QRICH2: variants seen among roughly 807,000 people sequenced by gnomAD.
QRICH2 encodes glutamine rich 2.
QRICH2 carries 119 observed loss-of-function variants against 168.3 expected under a neutral mutation model. The observed-to-expected ratio is 0.71, with a 90% CI of 0.61 to 0.82. The LOEUF is 0.82. QRICH2 is among the 40% of genes least tolerant of loss of function. QRICH2 has a pLI of 0.00. For synonymous variants in QRICH2, 894 were observed against 951.2 expected (o/e 0.94, Z 1.11); for missense variants, 2,241 against 2,491.6 (o/e 0.90, Z 2.14).
rs1239338251 is a variant in QRICH2, at chr17:76,308,215, C to T, written c.-217G>A. The T allele has an allele frequency of 1.7e-5, 17 of 985,438 alleles. No homozygotes were observed. Among genetic ancestry groups the T allele is most frequent in the Non-Finnish European group, 2.0e-5 (17 of 829,900 alleles). The allele number at this position is 985,438 out of a possible 1,614,324, so 61.0% of individuals were successfully genotyped here. A position where few individuals can be genotyped will look rare whatever the true frequency, so the allele number is the denominator to read the frequency against. On this transcript the variant is annotated 5_prime_UTR_variant, in exon 1 of 19. Coordinates refer to ENST00000680821, the MANE Select transcript of QRICH2 (RefSeq NM_001388453.1). The stretch of plus-strand genomic sequence containing the variant: ...CGATGGCCACCCCTCCGCTGTCTGT[C>T]GCTGGCCTCGGGTCCCCGAGCTGGA...
chr17:76,275,695 T>TC (rs1490619420), intron 18 of QRICH2, 124 bp downstream of exon 18: 9 of 1,255,208 alleles, frequency 7.2e-6, no homozygotes, highest in Non-Finnish European at 7.5e-6. Flanking sequence ...TCCACACCCA[T>TC]CCCCCCCTTC....
chr17:76,285,718 A>G (rs2143222811), intron 7 of QRICH2, among the ~76,000 whole-genome samples: 1 of 151,998 alleles, frequency 6.6e-6, no homozygotes. Context: ...GCATGGTGGC[A>G]GGCACCTGTA....
intron 3 of QRICH2, chr17:76,301,460 G>A (rs1022246777): frequency 2.1e-5 from 5 of 239,476 alleles, no homozygotes; most frequent in South Asian, 3.7e-5. Context: ...CCCAACTACC[G>A]GGGAGGCTGA....
Position 76,292,897 on chromosome 17 carries a change from C to T in QRICH2, c.1830G>A (p.Leu610=), listed in dbSNP as rs745767588. ...LVRPGMDQSG[L]AQPGADQRGL... ...CACGCTGATCTGCACCAGGTTGGGC[C>T]AAACCAGACTGATCCATTCCAGGCC... Residue 610 remains leucine, a synonymous_variant, in exon 4 of 19, where the codon TTG becomes TTA. Transcript: ENST00000680821. The T allele has an allele frequency of 6.2e-7, 1 of 1,611,358 alleles. No individual in the cohort carries two copies. Among genetic ancestry groups the T allele is most frequent in the Non-Finnish European group, 8.5e-7 (1 of 1,179,522 alleles).
chr17:76,304,421 T>G lies in QRICH2; in HGVS notation c.699A>C (p.Ser233=). The change falls in exon 3 of 19, where the codon TCA becomes TCC. Residue 233 remains serine (S), a synonymous_variant. Transcript: ENST00000680821. ...EQAITDGWRA[S]QAGSETLMGF... ...CAGGCCCCCACTGGTTCACCGCTTG[T>G]GAGGCTCTCCAGCCGTCCGTAATCG... The G allele has an allele frequency of 6.2e-7, 1 of 1,611,516 alleles. No homozygotes were observed. Among genetic ancestry groups the G allele is most frequent in the Non-Finnish European group, 8.5e-7 (1 of 1,178,860 alleles).
chr17:76,277,349 AC>A, intron 15 of QRICH2, 39 bp from the exon 16 acceptor site: 1 of 1,597,982 alleles, frequency 6.3e-7, no homozygotes, highest in Non-Finnish European at 8.5e-7. Flanking sequence ...GGAGCAGACC[AC>A]CAGGGATGTC....
chr17:76,297,700 A>G (rs567719200), intron 3 of QRICH2, among the ~76,000 whole-genome samples: 25 of 152,040 alleles, frequency 1.6e-4, no homozygotes, highest in African/African-American at 6.0e-4. Context: ...ATATTAAAAC[A>G]GTTATTATGG....
intron 3 of QRICH2, chr17:76,301,459 CG>C: frequency 4.2e-6 from 1 of 236,202 alleles, no homozygotes. Context: ...TCCCAACTAC[CG>C]GGGAGGCTGA....
Position 76,281,528 on chromosome 17 carries a change from C to G in QRICH2, c.4263+336G>C, listed in dbSNP as rs540842991. ...GAAATTGAGAAGGGGTTGGAAGACTCGCGTGCCAGGGAGTCAACATCTCCT... is the reference window on the plus strand; with the variant it reads ...GAAATTGAGAAGGGGTTGGAAGACTGGCGTGCCAGGGAGTCAACATCTCCT... On this transcript the variant is annotated intron_variant, in intron 8 of 18. Coordinates refer to ENST00000680821, the MANE Select transcript of QRICH2 (RefSeq NM_001388453.1). The surrounding 1 kb of genome is among the most constrained non-coding windows in gnomAD (Gnocchi z 4.4). 6.6e-6 allele frequency among the ~76,000 whole-genome samples: 1 copy of G among 152,192 alleles called. No individual in the cohort carries two copies. Among genetic ancestry groups the G allele is most frequent in the Admixed American group, 6.5e-5 (1 of 15,280 alleles).
chr17:76,274,718 T>G (rs1303556607), intron 18 of QRICH2, among the ~76,000 whole-genome samples: 4 of 152,186 alleles, frequency 2.6e-5, no homozygotes, highest in Non-Finnish European at 5.9e-5. Flanking sequence ...ATGTGCTCAC[T>G]GTCCACCACT....
At position 76,275,882 on chromosome 17, in the gene QRICH2, T is replaced by G. The variant is rs1264024252; in HGVS notation, c.5419A>C (p.Ser1807Arg). The G allele has an allele frequency of 6.2e-7, 1 of 1,608,942 alleles. No homozygotes were observed. Among genetic ancestry groups the G allele is most frequent in the East Asian group, 2.2e-5 (1 of 44,858 alleles). The change falls in exon 18 of 19, where the codon AGC (serine) becomes CGC (arginine). Residue 1807 changes from serine (S) to arginine (R), a missense_variant. This residue lies in a region of QRICH2 where 189 missense variants were observed against 169.3 expected (regional missense o/e 1.12). Transcript: ENST00000680821. The part of the protein sequence containing the change: ...RPHVHRPPSL[S>R]SNGQLPSRPQ... ...CGAGAGGGCAGCTGGCCATTGCTGC[T>G]GAGGGATGGCGGCCTGTGCACGTGG...
chr17:76,277,599 TATGCACATACACACGAAG>T (rs899212711), intron 15 of QRICH2, among the ~76,000 whole-genome samples: 2 of 151,494 alleles, frequency 1.3e-5, no homozygotes, highest in Admixed American at 6.6e-5. Flanking sequence ...CACACATACT[TATGCACATACACACGAAG>T]ATGCACATAC....
At chr17:76,278,733 G>A (rs2143144431) in intron 14 of QRICH2, among the ~76,000 whole-genome samples, 1 of 152,372 alleles carries the variant, frequency 6.6e-6, no homozygotes, top group East Asian at 1.9e-4. Context: ...TGAGGAAGAG[G>A]TTGAGAAGTA....
At chr17:76,304,675 T>G in intron 2 of QRICH2, 150 bp from the exon 3 acceptor site, 1 of 736,950 alleles carries the variant, frequency 1.4e-6, no homozygotes, top group Non-Finnish European at 2.4e-6. Context: ...CAGTGAAGGT[T>G]GGGCAGCCAG....
intron 1 of QRICH2, among the ~76,000 whole-genome samples, chr17:76,305,365 A>G (rs2070975655): frequency 6.6e-6 from 1 of 151,962 alleles, no homozygotes; most frequent in African/African-American, 2.4e-5. Flanking sequence ...AAGATCTTGC[A>G]ATGTTGCCCA....
intron 3 of QRICH2, among the ~76,000 whole-genome samples, chr17:76,302,322 A>G (rs2070919553): frequency 9.6e-6 from 1 of 104,392 alleles, no homozygotes; most frequent in Non-Finnish European, 1.7e-5. Context: ...CCACCTCTGT[A>G]GCTGTCATGT....
Position 76,276,663 on chromosome 17 carries a change from C to G in QRICH2, c.5353+17G>C, listed in dbSNP as rs1336590787. 1.2e-6 allele frequency: 2 copies of G among 1,609,336 alleles called. No homozygotes were observed. The highest frequency in any genetic ancestry group is 3.3e-5 in the Admixed American group (2 of 59,928). On this transcript the variant is annotated intron_variant, in intron 17 of 18. Coordinates refer to ENST00000680821, the MANE Select transcript of QRICH2 (RefSeq NM_001388453.1). ...GGACCCACGTGAGGTGCCTGGGGGC[C>G]TCTGGACTCCACTCACTGTCTTTTC...
chr17:76,289,263 A>G (rs1169907740), intron 5 of QRICH2, among the ~76,000 whole-genome samples: 1 of 152,134 alleles, frequency 6.6e-6, no homozygotes, highest in Non-Finnish European at 1.5e-5. Context: ...ATCATAGCTT[A>G]CTGCAGCCTC....
At chr17:76,300,611 G>A (rs1158766849) in intron 3 of QRICH2, among the ~76,000 whole-genome samples, 3 of 152,140 alleles carry the variant, frequency 2.0e-5, no homozygotes, top group Admixed American at 6.6e-5. Context: ...GAAATTGTGC[G>A]GTGTGCCTGC....
Sources: allele counts gnomAD v4.1 joint callset (sites outside exome capture counted in the v4.1 genomes callset), GRCh38; gene constraint gnomAD v4.1.1; regional missense constraint gnomAD v4.1.1; non-coding constraint Gnocchi (gnomAD v3.1); transcripts MANE v1.5; gene names NCBI Gene and HGNC (gene_info 2026-07-23, HGNC 2026-07-21).